RBFOX1: variants seen among roughly 807,000 people sequenced by gnomAD.
RBFOX1 encodes RNA binding protein fox-1 homolog 1.
RBFOX1 carries 8 observed loss-of-function variants against 57.7 expected under a neutral mutation model. That is an observed-to-expected ratio of 0.14 (90% CI 0.08 to 0.25). The LOEUF (loss-of-function observed/expected upper bound fraction) is 0.25. RBFOX1 is among the 10% of genes least tolerant of loss of function. The pLI is 1.00. For synonymous variants in RBFOX1, 326 were observed against 222.4 expected, an observed-to-expected ratio of 1.47 and a Z score of -4.15; for missense variants, 611 against 548.5, an observed-to-expected ratio of 1.11 and a Z score of -1.14.
intron 3 of RBFOX1, among the ~76,000 whole-genome samples, chr16:5,830,653 T>C (rs2056232677): frequency 1.3e-5 from 2 of 152,122 alleles, no homozygotes; most frequent in African/African-American, 4.8e-5. Context: ...GCTAGGATGA[T>C]CTTTGAGGCC....
At chr16:6,153,410 T>C (rs1297155431) in intron 1 of RBFOX1, among the ~76,000 whole-genome samples, 1 of 152,230 alleles carries the variant, frequency 6.6e-6, no homozygotes, top group Non-Finnish European at 1.5e-5. Flanking sequence ...AACACACAAT[T>C]GCTTTTTATT....
chr16:6,961,602 G>C (rs2083030753), intron 3 of RBFOX1, among the ~76,000 whole-genome samples: 1 of 152,146 alleles, frequency 6.6e-6, no homozygotes, highest in African/African-American at 2.4e-5. Flanking sequence ...GAGGGCTGCT[G>C]ATTGGCTACT....
At chr16:7,557,241 C>G (rs1283356970) in intron 5 of RBFOX1, among the ~76,000 whole-genome samples, 3 of 152,162 alleles carry the variant, frequency 2.0e-5, no homozygotes, top group East Asian at 1.9e-4. Flanking sequence ...TTCATCAGTA[C>G]TTAGCACAGC....
chr16:6,421,514 C>G (rs568528769), intron 2 of RBFOX1, among the ~76,000 whole-genome samples: 34 of 152,194 alleles, frequency 2.2e-4, no homozygotes, highest in Admixed American at 2.1e-3. Context: ...TACTTTTTAA[C>G]AAGATTTTCA....
chr16:5,859,380 G>A (rs1020695657), intron 3 of RBFOX1, among the ~76,000 whole-genome samples: 14 of 152,272 alleles, frequency 9.2e-5, no homozygotes, highest in Admixed American at 4.6e-4. Context: ...TAAGCCAGAC[G>A]TTCCCATTGA....
chr16:5,909,850 C>G (rs570355424), intron 4 of RBFOX1, among the ~76,000 whole-genome samples: 2 of 152,094 alleles, frequency 1.3e-5, no homozygotes, highest in East Asian at 3.9e-4. Context: ...TCAGGAGTTT[C>G]GAGACCAGCC....
intron 3 of RBFOX1, among the ~76,000 whole-genome samples, chr16:6,871,868 G>A (rs2060946240): frequency 6.6e-6 from 1 of 151,200 alleles, no homozygotes; most frequent in African/African-American, 2.4e-5. Context: ...CGCATCTGAT[G>A]GCACTTTGTC....
chr16:6,780,303 ATATATATATTTATTCATATT>A lies in RBFOX1; in HGVS notation c.-16+125667_-16+125686del, dbSNP rs1422504972. Among the ~76,000 whole-genome samples, 52 of 17,188 alleles carry A rather than the reference ATATATATATTTATTCATATT, an allele frequency of 3.0e-3. 1 individual carries two copies. Among genetic ancestry groups the A allele is most frequent in the Non-Finnish European group, 3.7e-3 (38 of 10,386 alleles). The allele number at this position is 17,188 out of a possible 152,430, so 11.3% of individuals were successfully genotyped here. A position where few individuals can be genotyped will look rare whatever the true frequency, so the allele number is the denominator to read the frequency against. ...TATTTATACATATATATATTTATAC[ATATATATATTTATTCATATT>A]TATATATATTTATACATATTTATAT... is the stretch of plus-strand genomic sequence containing the variant. On this transcript the variant is annotated intron_variant, in intron 3 of 15. Transcript: ENST00000550418.
At chr16:6,804,856 C>T (rs997907540) in intron 3 of RBFOX1, among the ~76,000 whole-genome samples, 1 of 152,138 alleles carries the variant, frequency 6.6e-6, no homozygotes, top group Non-Finnish European at 1.5e-5. Flanking sequence ...CCTCCATAGT[C>T]AATTTCATTC....
At chr16:5,397,935 T>C (rs1486313603) in intron 1 of RBFOX1, among the ~76,000 whole-genome samples, 1 of 152,228 alleles carries the variant, frequency 6.6e-6, no homozygotes, top group Non-Finnish European at 1.5e-5. Context: ...ACGTGCTTGC[T>C]GAACAAGACA....
chr16:5,652,429 A>G (rs1015123033), intron 3 of RBFOX1, among the ~76,000 whole-genome samples: 2 of 152,156 alleles, frequency 1.3e-5, no homozygotes, highest in Non-Finnish European at 2.9e-5. Flanking sequence ...CCTTGATGGC[A>G]TAGTTGGAAG....
At chr16:6,137,978 T>C (rs1427857460) in intron 1 of RBFOX1, among the ~76,000 whole-genome samples, 1 of 152,298 alleles carries the variant, frequency 6.6e-6, no homozygotes, top group African/African-American at 2.4e-5. Flanking sequence ...TTCAGTTATG[T>C]TAAGTACCTT....
intron 7 of RBFOX1, among the ~76,000 whole-genome samples, chr16:7,593,912 T>C (rs1003946479): frequency 2.6e-5 from 4 of 152,216 alleles, no homozygotes; most frequent in Non-Finnish European, 2.9e-5. Context: ...CCCTGTCTTC[T>C]GTGGCTGATG....
intron 3 of RBFOX1, among the ~76,000 whole-genome samples, chr16:6,715,011 G>A (rs891472779): frequency 4.6e-5 from 7 of 152,150 alleles, no homozygotes; most frequent in African/African-American, 1.7e-4. Flanking sequence ...GGAGTTGGAG[G>A]TCTAGGAAGG....
intron 2 of RBFOX1, among the ~76,000 whole-genome samples, chr16:6,391,411 G>A (rs989768137): frequency 6.6e-6 from 1 of 151,732 alleles, no homozygotes; most frequent in Non-Finnish European, 1.5e-5. Context: ...TGGGGAGGCT[G>A]AGGCAGGAGA....
At chr16:6,385,326 C>T (rs542629726) in intron 2 of RBFOX1, among the ~76,000 whole-genome samples, 2 of 152,286 alleles carry the variant, frequency 1.3e-5, no homozygotes, top group Admixed American at 6.5e-5. Context: ...TTTAACCTCT[C>T]TTGCCTCAGT....
At position 5,978,423 on chromosome 16, in the gene RBFOX1, C is replaced by G. The variant is rs1177561248; in HGVS notation, c.351+111088C>G. 2.0e-5 allele frequency among the ~76,000 whole-genome samples: 3 copies of G among 152,146 alleles called. No individual in the cohort carries two copies. In the East Asian group the frequency reaches 5.8e-4, roughly 29 times the overall value. On this transcript the variant is annotated intron_variant, in intron 4 of 19. Coordinates refer to the RBFOX1 transcript ENST00000641259. ...TTAGCACAGAGAGTTCCTGTATACC[C>G]TACATATGGTTTTCCCGACTGATAA... is the stretch of plus-strand genomic sequence containing the variant.
chr16:6,869,948 C>T (rs539749450), intron 3 of RBFOX1, among the ~76,000 whole-genome samples: 1 of 152,264 alleles, frequency 6.6e-6, no homozygotes, highest in South Asian at 2.1e-4. Flanking sequence ...TTGGGGACTG[C>T]TTACTAATCT....
intron 4 of RBFOX1, among the ~76,000 whole-genome samples, chr16:7,286,662 CA>C (rs2141363447): frequency 7.5e-6 from 1 of 132,648 alleles, no homozygotes; most frequent in South Asian, 2.5e-4. Flanking sequence ...CTTACTCTGT[CA>C]CCCAGGATGG....
Sources: allele counts gnomAD v4.1 joint callset (sites outside exome capture counted in the v4.1 genomes callset), GRCh38; gene constraint gnomAD v4.1.1; transcripts MANE v1.5; gene names NCBI Gene and HGNC (gene_info 2026-07-23, HGNC 2026-07-21).